Variants in OR51B5 observed in about 807,000 individuals in gnomAD.
The protein encoded by OR51B5 is olfactory receptor 51B5.
For synonymous variants in OR51B5, 186 were observed against 144.8 expected, an observed-to-expected ratio of 1.28 and a Z score of -2.04; for missense variants, 456 against 374.6, an observed-to-expected ratio of 1.22 and a Z score of -1.79.
chr11:5,465,912 T>C (rs1851132911), intron 1 of OR51B5, among the ~76,000 whole-genome samples: 1 of 151,372 alleles, frequency 6.6e-6, no homozygotes, highest in East Asian at 1.9e-4. Flanking sequence ...GGACTTCATG[T>C]CCAAAACACC....
Position 5,472,825 on chromosome 11 carries a change from G to A in OR51B5, n.84+32744C>T, listed in dbSNP as rs1038691346. On this transcript the variant is annotated intron_variant and non_coding_transcript_variant, in intron 1 of 4. Coordinates refer to the OR51B5 transcript ENST00000415970. ...CTCAGATTAGGGTTCTTTCCAGTAA[G>A]CATACCACAACTTAAATGCATTTCA... is the stretch of plus-strand genomic sequence containing the variant. 3.9e-5 allele frequency among the ~76,000 whole-genome samples: 6 copies of A among 152,126 alleles called. No individual in the cohort carries two copies. The South Asian group carries it at 1.2e-3, about 32-fold the overall frequency.
At chr11:5,438,055 T>C (rs1267869455) in intron 1 of OR51B5, among the ~76,000 whole-genome samples, 1 of 152,152 alleles carries the variant, frequency 6.6e-6, no homozygotes, top group Non-Finnish European at 1.5e-5. Context: ...AAATTATGCG[T>C]TGGGAACCAG....
intron 1 of OR51B5, among the ~76,000 whole-genome samples, chr11:5,367,984 T>C (rs1296145309): frequency 6.6e-6 from 1 of 152,230 alleles, no homozygotes; most frequent in South Asian, 2.1e-4. Context: ...AAGTTTCACT[T>C]CTACCAGAGT....
chr11:5,357,601 G>C (rs2133694236), intron 1 of OR51B5, among the ~76,000 whole-genome samples: 1 of 151,936 alleles, frequency 6.6e-6, no homozygotes, highest in East Asian at 1.9e-4. Context: ...AAGTTAACAA[G>C]GATATCCAGG....
At chr11:5,471,666 C>T (rs1301828916) in intron 1 of OR51B5, among the ~76,000 whole-genome samples, 1 of 149,696 alleles carries the variant, frequency 6.7e-6, no homozygotes, top group Non-Finnish European at 1.5e-5. Flanking sequence ...TCAAATAAAA[C>T]ATTTTATTAA....
At chr11:5,352,303 G>T in intron 1 of OR51B5, 1 of 1,614,164 alleles carries the variant, frequency 6.2e-7, no homozygotes, top group South Asian at 1.1e-5. Flanking sequence ...TGGAAAGCAT[G>T]TTCCTCATGT....
intron 1 of OR51B5, among the ~76,000 whole-genome samples, chr11:5,461,168 T>C (rs1488873413): frequency 1.3e-5 from 2 of 152,142 alleles, no homozygotes; most frequent in Non-Finnish European, 2.9e-5. Flanking sequence ...GGTGAGTGCA[T>C]GCCAATGGGA....
At chr11:5,475,921 G>T (rs1851299053) in intron 1 of OR51B5, among the ~76,000 whole-genome samples, 1 of 152,140 alleles carries the variant, frequency 6.6e-6, no homozygotes, top group African/African-American at 2.4e-5. Flanking sequence ...ATTGTATCTA[G>T]ATCCATAGCA....
intron 1 of OR51B5, among the ~76,000 whole-genome samples, chr11:5,357,656 A>G (rs1849216148): frequency 6.6e-6 from 1 of 151,362 alleles, no homozygotes; most frequent in Non-Finnish European, 1.5e-5. Context: ...AGACATCTAC[A>G]GAACTCTCCA....
chr11:5,460,452 G>C (rs1564820888), intron 1 of OR51B5, among the ~76,000 whole-genome samples: 1 of 134,462 alleles, frequency 7.4e-6, no homozygotes, highest in Non-Finnish European at 1.6e-5. Context: ...AGTTTGGTTT[G>C]TTCTTAAAAT....
At chr11:5,438,358 C>CA (rs1240355722) in intron 1 of OR51B5, among the ~76,000 whole-genome samples, 1 of 151,308 alleles carries the variant, frequency 6.6e-6, no homozygotes, top group African/African-American at 2.4e-5. Context: ...TAGCAACACC[C>CA]CCCCCCAGTT....
intron 1 of OR51B5, among the ~76,000 whole-genome samples, chr11:5,375,667 T>A (rs1849515297): frequency 6.6e-6 from 1 of 152,028 alleles, no homozygotes; most frequent in South Asian, 2.1e-4. Context: ...AATCCTAGTC[T>A]CTGATAAAAC....
intron 1 of OR51B5, among the ~76,000 whole-genome samples, chr11:5,417,962 C>T (rs1157051458): frequency 6.8e-6 from 1 of 147,718 alleles, no homozygotes; most frequent in Non-Finnish European, 1.5e-5. Flanking sequence ...CACATGCACA[C>T]GTATGTTTAT....
At chr11:5,488,658 G>A (rs540421725) in intron 1 of OR51B5, 5 of 1,210,714 alleles carry the variant, frequency 4.1e-6, no homozygotes, top group African/African-American at 3.0e-5. Flanking sequence ...ATGTTACAGG[G>A]CAAGCATAAC....
chr11:5,392,756 C>G (rs1235158196), intron 1 of OR51B5: 1 of 152,058 alleles, frequency 6.6e-6, no homozygotes, highest in Non-Finnish European at 1.5e-5. Context: ...ACTAAAAATA[C>G]AAAAAGTTAG....
In OR51B5 at chr11:5,352,085, A is replaced by G. The variant is rs200867968; in HGVS notation, n.85-5175T>C. The G allele has an allele frequency of 1.4e-5, 23 of 1,613,922 alleles. No individual in the cohort carries two copies. The highest frequency in any genetic ancestry group is 1.9e-5 in the Non-Finnish European group (22 of 1,179,932). The stretch of plus-strand genomic sequence containing the variant: ...CTAGCCTGTGCTGACATCACCTTCA[A>G]CCGTCTCTATCCAGTTGTAGTTTTA... On this transcript the variant is annotated intron_variant and non_coding_transcript_variant, in intron 1 of 4. Transcript: ENST00000415970.
At chr11:5,364,039 G>C (rs1849327980) in intron 1 of OR51B5, among the ~76,000 whole-genome samples, 1 of 152,162 alleles carries the variant, frequency 6.6e-6, no homozygotes, top group Admixed American at 6.5e-5. Context: ...CATATTATGT[G>C]ATGTGGACCT....
intron 1 of OR51B5, among the ~76,000 whole-genome samples, chr11:5,408,400 C>T (rs1343535837): frequency 1.4e-5 from 2 of 138,788 alleles, no homozygotes; most frequent in African/African-American, 2.6e-5. Flanking sequence ...TCTTTCCTTC[C>T]TTCCTTTTCT....
chr11:5,435,141 T>A (rs889421378), intron 1 of OR51B5, among the ~76,000 whole-genome samples: 2 of 152,176 alleles, frequency 1.3e-5, no homozygotes, highest in African/African-American at 2.4e-5. Flanking sequence ...AAGAGTCCAA[T>A]CTTGTACCCA....
Sources: allele counts gnomAD v4.1 joint callset (sites outside exome capture counted in the v4.1 genomes callset), GRCh38; gene constraint gnomAD v4.1.1; transcripts MANE v1.5; gene names NCBI Gene and HGNC (gene_info 2026-07-23, HGNC 2026-07-21).